TRERF1: variants seen among roughly 807,000 people sequenced by gnomAD.
TRERF1 encodes transcriptional regulating factor 1.
A neutral mutation model predicts 122.9 loss-of-function variants in TRERF1; 27 were observed. The ratio of observed to expected loss-of-function variants is 0.22; its 90% CI spans 0.16 to 0.30. The LOEUF is 0.30. Ranked by LOEUF, TRERF1 falls within the 10% of genes least tolerant of loss-of-function variation. The pLI is 1.00. For synonymous variants in TRERF1, 636 were observed against 641.7 expected (o/e 0.99, Z 0.13); for missense variants, 1,248 against 1,560.3 (o/e 0.80, Z 3.37).
rs75470522 is a variant in TRERF1 at position 42,271,227 on chromosome 6, A to G, written c.-258-1379T>C. Among the ~76,000 whole-genome samples the G allele has an allele frequency of 5.9e-5, 9 of 151,896 alleles. No homozygotes were observed. The East Asian group carries it at 7.8e-4, about 13-fold the overall frequency. Reference sequence around the variant, plus strand: ...AAGAGGTTCAATTTCTACATCCTCAACTTGAAATTCTTTCTAGAACTCATG... The same window carrying G: ...AAGAGGTTCAATTTCTACATCCTCAGCTTGAAATTCTTTCTAGAACTCATG... On this transcript the variant is annotated intron_variant, in intron 4 of 17. Coordinates refer to ENST00000372922, the Ensembl canonical transcript of TRERF1.
At chr6:42,440,411 T>C (rs1786293374) in intron 2 of TRERF1, among the ~76,000 whole-genome samples, 1 of 152,142 alleles carries the variant, frequency 6.6e-6, no homozygotes, top group African/African-American at 2.4e-5. Flanking sequence ...CCCCCGAGCC[T>C]CAGTTTCCTC....
chr6:42,372,679 G>A (rs1314639557), intron 2 of TRERF1, among the ~76,000 whole-genome samples: 2 of 152,160 alleles, frequency 1.3e-5, no homozygotes, highest in African/African-American at 2.4e-5. Context: ...GCAGAGAATC[G>A]CCTGCCACTG....
chr6:42,372,124 G>A (rs554896449), intron 2 of TRERF1, among the ~76,000 whole-genome samples: 123 of 152,294 alleles, frequency 8.1e-4, no homozygotes, highest in African/African-American at 2.6e-3. Flanking sequence ...AGAGGTTGCA[G>A]TGAGCCGAGA....
In TRERF1 at chr6:42,299,080, A is replaced by ATATCTATC. The variant is rs10627055; in HGVS notation, c.-259+1550_-259+1557dup. On this transcript the variant is annotated intron_variant, in intron 4 of 17. Transcript: ENST00000372922. ...AGAGAGCAAGACCCTGTCTCTAAAAATATCTATCTATCTATCTGTCTGTCT... is the reference window on the plus strand; with the variant it reads ...AGAGAGCAAGACCCTGTCTCTAAAAATATCTATCTATCTATCTATCTATCTGTCTGTCT... Among the ~76,000 whole-genome samples the ATATCTATC allele has an allele frequency of 5.5e-3, 742 of 134,700 alleles. 3 individuals carry two copies. The highest frequency in any genetic ancestry group is 0.013 in the Admixed American group (179 of 14,084). The allele number at this position is 134,700 out of a possible 152,430, so 88.4% of individuals were successfully genotyped here. A position where few individuals can be genotyped will look rare whatever the true frequency, so the allele number is the denominator to read the frequency against.
At chr6:42,299,116 C>CTA (rs10627056) in intron 4 of TRERF1, among the ~76,000 whole-genome samples, 1 of 141,680 alleles carries the variant, frequency 7.1e-6, no homozygotes, top group South Asian at 2.2e-4. Flanking sequence ...GTCTGTCTGT[C>CTA]TCTATCTATC....
At chr6:42,256,471 C>A (rs975617776) in intron 12 of TRERF1, among the ~76,000 whole-genome samples, 1 of 152,064 alleles carries the variant, frequency 6.6e-6, no homozygotes, top group Non-Finnish European at 1.5e-5. Flanking sequence ...AAAAGAAATT[C>A]TAATGTCCTA....
chr6:42,325,059 A>G (rs1356608090), intron 3 of TRERF1, among the ~76,000 whole-genome samples: 2 of 152,220 alleles, frequency 1.3e-5, no homozygotes, highest in Non-Finnish European at 2.9e-5. Context: ...TCAACAAGAA[A>G]AAAAACAAAT....
chr6:42,347,811 C>A (rs1768606048), intron 3 of TRERF1, among the ~76,000 whole-genome samples: 1 of 152,230 alleles, frequency 6.6e-6, no homozygotes, highest in Non-Finnish European at 1.5e-5. Flanking sequence ...GGACACAGAA[C>A]TTCAGCACAA....
chr6:42,265,031 A>G (rs1778907354), intron 6 of TRERF1, among the ~76,000 whole-genome samples, 177 bp from the exon 7 acceptor site: 1 of 152,228 alleles, frequency 6.6e-6, no homozygotes, highest in South Asian at 2.1e-4. Flanking sequence ...CAATTTATAG[A>G]TGAAAAACTG....
chr6:42,338,251 T>C (rs1766584898), intron 3 of TRERF1, among the ~76,000 whole-genome samples: 2 of 152,088 alleles, frequency 1.3e-5, no homozygotes, highest in African/African-American at 2.4e-5. Context: ...GGTCACCATA[T>C]GGCTCAGGCA....
At chr6:42,365,699 T>C (rs562051816) in intron 2 of TRERF1, among the ~76,000 whole-genome samples, 103 of 152,268 alleles carry the variant, frequency 6.8e-4, no homozygotes, top group African/African-American at 2.1e-3. Context: ...GAGCTAAGAT[T>C]TGAAACCTTC....
chr6:42,452,076 G>C (rs1469250144), upstream of TRERF1: 1 of 150,424 alleles, frequency 6.6e-6, no homozygotes, highest in South Asian at 2.1e-4. Flanking sequence ...TCCGCTCCCC[G>C]GTACCCCCCT....
At chr6:42,233,835 G>C (rs1343788428) in intron 16 of TRERF1, among the ~76,000 whole-genome samples, 1 of 152,158 alleles carries the variant, frequency 6.6e-6, no homozygotes, top group Non-Finnish European at 1.5e-5. Context: ...CAGTGATTAG[G>C]TTTTCTGACG....
chr6:42,311,642 T>C (rs1203829408), intron 3 of TRERF1, among the ~76,000 whole-genome samples: 3 of 151,698 alleles, frequency 2.0e-5, no homozygotes, highest in African/African-American at 7.3e-5. Context: ...GGCGGGCGTC[T>C]GTAGTCCTAG....
intron 12 of TRERF1, 108 bp from the exon 13 acceptor site, chr6:42,255,034 G>T: frequency 9.0e-7 from 1 of 1,112,090 alleles, no homozygotes; most frequent in Non-Finnish European, 1.4e-6. Context: ...GAGGTCAGGG[G>T]CGGGGGCACT....
At chr6:42,362,234 G>A (rs1442765980) in intron 3 of TRERF1, among the ~76,000 whole-genome samples, 1 of 151,964 alleles carries the variant, frequency 6.6e-6, no homozygotes, top group Admixed American at 6.6e-5. Context: ...TCAGAATCAG[G>A]CACAATAAAA....
At chr6:42,250,992 CTTTTTTTTTTT>C (rs70987586) in intron 13 of TRERF1, among the ~76,000 whole-genome samples, 1 of 97,596 alleles carries the variant, frequency 1.0e-5, no homozygotes, top group Non-Finnish European at 2.0e-5. Flanking sequence ...TCTTTTGCTT[CTTTTTTTTTTT>C]TTTTTTTTTT....
At chr6:42,434,576 G>A (rs1784964613) in intron 2 of TRERF1, among the ~76,000 whole-genome samples, 1 of 144,240 alleles carries the variant, frequency 6.9e-6, no homozygotes, top group Admixed American at 7.0e-5. Context: ...TTTTTTCCAG[G>A]GGAAAAAAAT....
At chr6:42,240,071 C>T (rs59802622) in intron 15 of TRERF1, among the ~76,000 whole-genome samples, 5 of 151,664 alleles carry the variant, frequency 3.3e-5, no homozygotes, top group Admixed American at 6.6e-5. Flanking sequence ...TACCCATCTT[C>T]GAAGCCCAGG....
Sources: allele counts gnomAD v4.1 joint callset (sites outside exome capture counted in the v4.1 genomes callset), GRCh38; gene constraint gnomAD v4.1.1; transcripts MANE v1.5; gene names NCBI Gene and HGNC (gene_info 2026-07-23, HGNC 2026-07-21).